SLC30A9: variants seen among roughly 807,000 people sequenced by gnomAD.
SLC30A9 encodes proton-coupled zinc antiporter SLC30A9, mitochondrial.
SLC30A9 carries 58 observed loss-of-function variants against 87.5 expected under a neutral mutation model. The ratio of observed to expected loss-of-function variants is 0.66; its 90% CI spans 0.54 to 0.82. The LOEUF is 0.82. Ranked by LOEUF, SLC30A9 falls within the 40% of genes least tolerant of loss-of-function variation. The pLI is 0.00. For missense variants in SLC30A9, 557 were observed against 679.1 expected, an observed-to-expected ratio of 0.82 and a Z score of 2.00; for synonymous variants, 234 against 233.0, an observed-to-expected ratio of 1.00 and a Z score of -0.04.
At chr4:42,067,409 A>G (rs781130900) in intron 14 of SLC30A9, among the ~76,000 whole-genome samples, 2 of 152,210 alleles carry the variant, frequency 1.3e-5, no homozygotes, top group East Asian at 1.9e-4. Context: ...AAGGAAGGCT[A>G]TTTGTAAAGG....
intron 6 of SLC30A9, chr4:42,029,181 C>G (rs1441137892): frequency 2.7e-6 from 1 of 373,112 alleles, no homozygotes; most frequent in African/African-American, 2.2e-5. Flanking sequence ...ACCCTTCCGA[C>G]TGCGGCAGCT....
intron 9 of SLC30A9, among the ~76,000 whole-genome samples, chr4:42,057,339 G>A (rs894076550): frequency 1.3e-5 from 2 of 152,220 alleles, no homozygotes; most frequent in Admixed American, 6.5e-5. Context: ...GCATCCAGGT[G>A]TTTCCCATAC....
intron 7 of SLC30A9, among the ~76,000 whole-genome samples, chr4:42,037,141 C>G (rs767777504): frequency 6.6e-6 from 1 of 151,734 alleles, no homozygotes; most frequent in Non-Finnish European, 1.5e-5. Flanking sequence ...TCTACTGTAC[C>G]CCTATTCCCT....
intron 15 of SLC30A9, among the ~76,000 whole-genome samples, chr4:42,072,812 C>CT (rs71200203): frequency 0.066 from 7,817 of 118,036 alleles, 336 homozygotes; most frequent in African/African-American, 0.11. Flanking sequence ...TTGTTCTATC[C>CT]TTTTTTTTTT....
intron 1 of SLC30A9, among the ~76,000 whole-genome samples, chr4:41,997,220 G>C (rs1270319966): frequency 6.6e-6 from 1 of 151,724 alleles, no homozygotes; most frequent in African/African-American, 2.4e-5. Flanking sequence ...ATCAGCAGTG[G>C]TCTTCTAGAC....
At chr4:42,070,499 A>C (rs1284934237) in intron 14 of SLC30A9, 27 bp from the exon 15 acceptor site, 1 of 1,583,854 alleles carries the variant, frequency 6.3e-7, no homozygotes, top group African/African-American at 1.3e-5. Flanking sequence ...CTGTTAATTT[A>C]CTGATTTTTT....
At chr4:42,051,331 A>G (rs1416477365) in intron 9 of SLC30A9, among the ~76,000 whole-genome samples, 1 of 152,232 alleles carries the variant, frequency 6.6e-6, no homozygotes, top group African/African-American at 2.4e-5. Flanking sequence ...AAAGGCAGCA[A>G]AATCCAAACA....
At chr4:42,025,980 G>A (rs1299725564) in intron 6 of SLC30A9, among the ~76,000 whole-genome samples, 1 of 151,986 alleles carries the variant, frequency 6.6e-6, no homozygotes, top group African/African-American at 2.4e-5. Context: ...AAGAGATGAG[G>A]TCTCACTATG....
intron 8 of SLC30A9, among the ~76,000 whole-genome samples, chr4:42,040,844 A>C (rs1049989034): frequency 1.3e-5 from 2 of 151,712 alleles, no homozygotes; most frequent in Non-Finnish European, 2.9e-5. Flanking sequence ...AAGTGCCTGC[A>C]GAGGAGATTG....
intron 1 of SLC30A9, among the ~76,000 whole-genome samples, chr4:41,997,061 T>TAAATAAAA (rs1317980186): frequency 6.8e-6 from 1 of 146,574 alleles, no homozygotes; most frequent in Non-Finnish European, 1.5e-5. Flanking sequence ...AATAAATAAA[T>TAAATAAAA]AAAAATGAAA....
chr4:42,020,585 T>G, intron 4 of SLC30A9, 70 bp downstream of exon 4: 2 of 812,586 alleles, frequency 2.5e-6, no homozygotes, highest in Non-Finnish European at 3.9e-6. Flanking sequence ...TTTCTTAGAG[T>G]GTGTTACCTG....
chr4:42,042,077 T>C (rs1233777514), intron 8 of SLC30A9, among the ~76,000 whole-genome samples: 1 of 152,148 alleles, frequency 6.6e-6, no homozygotes, highest in African/African-American at 2.4e-5. Context: ...ACCAGGAGAT[T>C]CCCTCGGGTG....
At chr4:41,992,067 C>T (rs1230593447) in intron 1 of SLC30A9, among the ~76,000 whole-genome samples, 5 of 152,092 alleles carry the variant, frequency 3.3e-5, no homozygotes, top group Non-Finnish European at 5.9e-5. Context: ...GGTGCAGTGG[C>T]TCATGCTGCT....
chr4:42,065,884 C>A (rs1718060389), intron 12 of SLC30A9, among the ~76,000 whole-genome samples: 1 of 152,074 alleles, frequency 6.6e-6, no homozygotes, highest in African/African-American at 2.4e-5. Context: ...TTTTGAGTAT[C>A]ATACCATAAT....
At chr4:42,037,329 C>G (rs1267195799) in intron 7 of SLC30A9, among the ~76,000 whole-genome samples, 3 of 128,172 alleles carry the variant, frequency 2.3e-5, no homozygotes, top group African/African-American at 8.2e-5. Context: ...CATGAGAACT[C>G]CAATAATGAG....
intron 2 of SLC30A9, among the ~76,000 whole-genome samples, chr4:42,014,100 T>C (rs1032362384): frequency 3.9e-5 from 6 of 152,096 alleles, no homozygotes; most frequent in African/African-American, 1.2e-4. Flanking sequence ...AAAGAAGACA[T>C]GCAAGTGGCA....
chr4:42,056,292 T>G (rs4544741), intron 9 of SLC30A9, among the ~76,000 whole-genome samples: 98,907 of 151,696 alleles, frequency 0.65, 36,729 homozygotes, highest in East Asian at 0.96. Context: ...GTGTGTATTA[T>G]TCCATTTTCA....
chr4:42,029,934 C>T, intron 6 of SLC30A9: 8 of 803,026 alleles, frequency 1.0e-5, no homozygotes, highest in Non-Finnish European at 1.7e-5. Context: ...TTTTCCTCTG[C>T]AGAATTATCC....
intron 6 of SLC30A9, chr4:42,029,936 GA>G: frequency 1.2e-6 from 1 of 814,122 alleles, no homozygotes; most frequent in South Asian, 1.3e-5. Flanking sequence ...TTCCTCTGCA[GA>G]ATTATCCCTA....
Sources: gnomAD v4.1 joint callset for allele counts (sites outside exome capture counted in the v4.1 genomes callset) on GRCh38, gnomAD v4.1.1 for gene constraint, MANE v1.5 for transcripts, NCBI Gene and HGNC (gene_info 2026-07-23, HGNC 2026-07-21) for gene names.